Variants in NTM observed in about 807,000 individuals in gnomAD.
NTM encodes the protein neurotrimin.
Under a neutral mutation model 42.1 loss-of-function variants are expected in NTM, and 13 were observed. The observed-to-expected ratio is 0.31, with a 90% CI of 0.20 to 0.49. The LOEUF (loss-of-function observed/expected upper bound fraction) is 0.49. Ranked by LOEUF, NTM falls within the 20% of genes least tolerant of loss-of-function variation. The probability of loss-of-function intolerance (pLI) is 0.99; values close to 1 mark genes in which losing one functional copy is unlikely to be tolerated. For synonymous variants in NTM, 187 were observed against 179.2 expected (o/e 1.04, Z -0.35); for missense variants, 373 against 452.8 (o/e 0.82, Z 1.60).
intron 2 of NTM, among the ~76,000 whole-genome samples, chr11:132,089,061 A>G (rs2136379543): frequency 6.6e-6 from 1 of 152,314 alleles, no homozygotes; most frequent in African/African-American, 2.4e-5. Context: ...AGCAGTAGAG[A>G]AAGACTTTCT....
intron 1 of NTM, among the ~76,000 whole-genome samples, chr11:131,812,726 C>T (rs1436055346): frequency 6.6e-6 from 1 of 152,072 alleles, no homozygotes; most frequent in African/African-American, 2.4e-5. Flanking sequence ...CATATCTGAA[C>T]CAAGACTGAA....
chr11:131,972,317 A>G (rs1053571615), intron 2 of NTM, among the ~76,000 whole-genome samples: 1 of 152,152 alleles, frequency 6.6e-6, no homozygotes, highest in Admixed American at 6.5e-5. Context: ...AACTTACAAT[A>G]GTGTCTGGCC....
chr11:131,556,373 TATAAC>T (rs1283058472), intron 1 of NTM, among the ~76,000 whole-genome samples: 1 of 152,206 alleles, frequency 6.6e-6, no homozygotes, highest in African/African-American at 2.4e-5. Context: ...AGCAGAGTAT[TATAAC>T]TTAATGCTTC....
chr11:132,326,972 C>A (rs2095696554), intron 7 of NTM, among the ~76,000 whole-genome samples: 1 of 152,208 alleles, frequency 6.6e-6, no homozygotes, highest in African/African-American at 2.4e-5. Context: ...ATTTTGCTAA[C>A]CAATATCTGG....
chr11:131,857,687 G>A (rs539895574), intron 1 of NTM, among the ~76,000 whole-genome samples: 1 of 152,194 alleles, frequency 6.6e-6, no homozygotes, highest in African/African-American at 2.4e-5. Context: ...CTCACTAAAT[G>A]ACACCGCAGA....
chr11:131,392,989 C>T (rs2135602042), intron 1 of NTM, among the ~76,000 whole-genome samples: 1 of 152,216 alleles, frequency 6.6e-6, no homozygotes, highest in East Asian at 1.9e-4. Context: ...CCAGAGAGTT[C>T]CTGTGGATGA....
chr11:131,409,578 G>A (rs966590848), intron 1 of NTM, among the ~76,000 whole-genome samples: 9 of 152,248 alleles, frequency 5.9e-5, no homozygotes, highest in African/African-American at 1.2e-4. Context: ...CAAGGGGCCT[G>A]CTGAGTGGAG....
At chr11:131,900,789 TAAC>T (rs2053039720) in intron 1 of NTM, among the ~76,000 whole-genome samples, 1 of 152,228 alleles carries the variant, frequency 6.6e-6, no homozygotes. Context: ...GCTACAGTGA[TAAC>T]TACTATAAGC....
rs116296344 is a variant in NTM at position 132,024,771 on chromosome 11, T to A, written c.167+113123T>A. ...CAGTCACATTCTTGACCTCTGAGCA[T>A]GTAGCTATCACTTTCACTTGCATAT... On this transcript the variant is annotated intron_variant, in intron 2 of 8. Transcript: ENST00000683400. Among the ~76,000 whole-genome samples, 750 of 152,320 alleles carry A rather than the reference T, an allele frequency of 4.9e-3. 9 individuals are homozygous for A. Among genetic ancestry groups the A allele is most frequent in the African/African-American group, 0.017 (711 of 41,578 alleles).
intron 2 of NTM, among the ~76,000 whole-genome samples, chr11:132,014,503 C>T (rs139584747): frequency 5.9e-4 from 90 of 151,988 alleles, no homozygotes; most frequent in African/African-American, 2.0e-3. Context: ...ATTTACATTC[C>T]CACCAGCAGT....
chr11:131,934,475 T>C (rs886688408), intron 2 of NTM, among the ~76,000 whole-genome samples: 8 of 152,220 alleles, frequency 5.3e-5, no homozygotes, highest in Non-Finnish European at 1.2e-4. Context: ...CATTCATTCA[T>C]TCATTCATTG....
chr11:132,200,986 T>C (rs1445332156), intron 3 of NTM, among the ~76,000 whole-genome samples: 1 of 152,202 alleles, frequency 6.6e-6, no homozygotes, highest in East Asian at 1.9e-4. Flanking sequence ...CACAGACTAT[T>C]ATAGCAAAAT....
At chr11:131,470,911 A>G (rs1309302846) in intron 1 of NTM, among the ~76,000 whole-genome samples, 2 of 152,202 alleles carry the variant, frequency 1.3e-5, no homozygotes, top group African/African-American at 4.8e-5. Context: ...TTTATTATCT[A>G]GACCATGTAA....
intron 1 of NTM, among the ~76,000 whole-genome samples, chr11:131,475,228 C>T (rs918604637): frequency 6.6e-6 from 1 of 152,182 alleles, no homozygotes; most frequent in Non-Finnish European, 1.5e-5. Flanking sequence ...GAGTAGATAT[C>T]TGCCCACATG....
chr11:131,751,109 A>G (rs1424467746), intron 1 of NTM, among the ~76,000 whole-genome samples: 3 of 152,108 alleles, frequency 2.0e-5, no homozygotes, highest in Non-Finnish European at 4.4e-5. Flanking sequence ...ATCCCCTGAT[A>G]TCCTCTCTCA....
intron 1 of NTM, among the ~76,000 whole-genome samples, chr11:131,508,313 T>G (rs1375674217): frequency 1.4e-5 from 2 of 145,888 alleles, no homozygotes; most frequent in Non-Finnish European, 3.0e-5. Flanking sequence ...ATCAGAGAAA[T>G]GCAAATCAAA....
chr11:131,865,332 C>T (rs11222822), intron 1 of NTM, among the ~76,000 whole-genome samples: 51,170 of 152,064 alleles, frequency 0.34, 9,561 homozygotes, highest in East Asian at 0.51. Flanking sequence ...TAACAATGTG[C>T]TTGTGAGCAT....
At chr11:132,196,753 T>G (rs775621030) in intron 3 of NTM, among the ~76,000 whole-genome samples, 1 of 151,950 alleles carries the variant, frequency 6.6e-6, no homozygotes, top group Non-Finnish European at 1.5e-5. Context: ...AAGGAAACAA[T>G]AGACTGTAGT....
At chr11:131,860,303 G>T (rs1161052594) in intron 1 of NTM, among the ~76,000 whole-genome samples, 1 of 152,202 alleles carries the variant, frequency 6.6e-6, no homozygotes, top group African/African-American at 2.4e-5. Flanking sequence ...CTGTGCCATG[G>T]TGAGGACACA....
Sources: gnomAD v4.1 joint callset for allele counts (sites outside exome capture counted in the v4.1 genomes callset) on GRCh38, gnomAD v4.1.1 for gene constraint, MANE v1.5 for transcripts, NCBI Gene and HGNC (gene_info 2026-07-23, HGNC 2026-07-21) for gene names.